Variants in OPTC observed in about 807,000 individuals in gnomAD.
OPTC encodes oculoglycan.
OPTC carries 22 observed loss-of-function variants against 25.4 expected under a neutral mutation model. The ratio of observed to expected loss-of-function variants is 0.87; its 90% confidence interval spans 0.62 to 1.24. OPTC has a LOEUF of 1.24. Ranked by LOEUF, OPTC falls within the 50% of genes most tolerant of loss-of-function variation. OPTC has a pLI of 0.00. For synonymous variants in OPTC, 169 were observed against 179.3 expected (o/e 0.94, Z 0.46); for missense variants, 417 against 425.2 (o/e 0.98, Z 0.17).
At chr1:203,494,677 A>T (rs1469745404) in intron 1 of OPTC, among the ~76,000 whole-genome samples, 2 of 152,186 alleles carry the variant, frequency 1.3e-5, no homozygotes, top group East Asian at 1.9e-4. Flanking sequence ...AAATTAAAAG[A>T]TAAAAAAAAT....
At chr1:203,499,901 TACC>T (rs1661348460) in intron 5 of OPTC, 50 bp downstream of exon 5, 2 of 1,460,008 alleles carry the variant, frequency 1.4e-6, no homozygotes, top group Non-Finnish European at 1.9e-6. Flanking sequence ...CACCCACCTC[TACC>T]ACCACCCACC....
intron 5 of OPTC, among the ~76,000 whole-genome samples, chr1:203,502,483 G>A (rs1661406017): frequency 1.3e-5 from 2 of 152,156 alleles, no homozygotes; most frequent in African/African-American, 2.4e-5. Flanking sequence ...TTGATTGGGA[G>A]GTCTTGTTTA....
At chr1:203,496,332 C>G (rs1661280199) in intron 2 of OPTC, 96 bp downstream of exon 2, 1 of 816,994 alleles carries the variant, frequency 1.2e-6, no homozygotes, top group Admixed American at 1.9e-5. Flanking sequence ...GTGTCTCCAG[C>G]CTCCACCTCT....
At chr1:203,508,408 C>A (rs1306690822) in intron 7 of OPTC, among the ~76,000 whole-genome samples, 1 of 152,182 alleles carries the variant, frequency 6.6e-6, no homozygotes, top group Non-Finnish European at 1.5e-5. Context: ...CTCAGGAGAA[C>A]CTTGGGGCTC....
chr1:203,503,564 G>C lies in OPTC; in HGVS notation c.843G>C (p.Glu281Asp). 5 of 1,613,580 alleles carry C rather than the reference G, an allele frequency of 3.1e-6. No homozygotes were observed. Among genetic ancestry groups the C allele is most frequent in the Non-Finnish European group, 4.2e-6 (5 of 1,180,018 alleles). ...GTTCTTCCCAGAATAACCTGATAGAGACCATGCAGAGAGACGTCTTCTGTG... is the reference window on the plus strand; with the variant it reads ...GTTCTTCCCAGAATAACCTGATAGACACCATGCAGAGAGACGTCTTCTGTG... ...RSVHLQNNLI[E>D]TMQRDVFCDP... Residue 281 changes from glutamate to aspartate, a missense_variant, in exon 7 of 8, where the codon GAG (glutamate) becomes GAC (aspartate). Coordinates refer to ENST00000367222, the MANE Select transcript of OPTC (RefSeq NM_014359.4).
chr1:203,505,912 C>T (rs1400597453), intron 7 of OPTC, among the ~76,000 whole-genome samples: 1 of 151,698 alleles, frequency 6.6e-6, no homozygotes, highest in Non-Finnish European at 1.5e-5. Context: ...TTTGTTACAG[C>T]GGAATCTCTC....
chr1:203,507,270 T>C (rs1049781679), intron 7 of OPTC, among the ~76,000 whole-genome samples: 1 of 152,024 alleles, frequency 6.6e-6, no homozygotes, highest in African/African-American at 2.4e-5. Context: ...TCCTGTCTTG[T>C]AGAATGGTAA....
chr1:203,500,484 C>T (rs1481057903), intron 5 of OPTC, among the ~76,000 whole-genome samples: 1 of 145,426 alleles, frequency 6.9e-6, no homozygotes, highest in Non-Finnish European at 1.5e-5. Context: ...ACCTGCACTA[C>T]CCACCTGTAC....
At position 203,496,044 on chromosome 1, in the gene OPTC, G is replaced by C. The variant is rs377420059; in HGVS notation, c.39G>C (p.Val13=). 1.2e-6 allele frequency: 2 copies of C among 1,613,882 alleles called. No individual in the cohort carries two copies. Among genetic ancestry groups the C allele is most frequent in the Non-Finnish European group, 1.7e-6 (2 of 1,179,922 alleles). Residue 13 remains valine (V), a synonymous_variant, in exon 2 of 8, where the codon GTG becomes GTC. Transcript: ENST00000367222. The part of the protein sequence containing the change: ...LLAFLSLLAL[V]LQETGTASLP... ...CTTTCCTGAGTCTGCTGGCCTTGGTGCTGCAGGAGACAGGGACAGCTTCTC... is the reference window on the plus strand; with the variant it reads ...CTTTCCTGAGTCTGCTGGCCTTGGTCCTGCAGGAGACAGGGACAGCTTCTC...
chr1:203,506,903 G>T (rs1242568918), intron 7 of OPTC, among the ~76,000 whole-genome samples: 2 of 152,258 alleles, frequency 1.3e-5, no homozygotes, highest in Non-Finnish European at 2.9e-5. Context: ...CAGCTCCAGA[G>T]AGTTTCTTTC....
chr1:203,499,119 C>A (rs1661327007), intron 4 of OPTC, among the ~76,000 whole-genome samples: 1 of 152,214 alleles, frequency 6.6e-6, no homozygotes, highest in African/African-American at 2.4e-5. Context: ...GATGTCCCAG[C>A]AGTGACAGCT....
At chr1:203,506,123 C>G (rs529627526) in intron 7 of OPTC, among the ~76,000 whole-genome samples, 1 of 151,608 alleles carries the variant, frequency 6.6e-6, no homozygotes, top group South Asian at 2.1e-4. Flanking sequence ...GCAAGAGATC[C>G]TGGATTGAGG....
intron 1 of OPTC, 95 bp from the exon 2 acceptor site, chr1:203,495,870 G>A: frequency 1.4e-6 from 1 of 697,014 alleles, no homozygotes; most frequent in South Asian, 1.5e-5. Context: ...TGCAAGTGTG[G>A]GGGTGGGAAG....
chr1:203,495,635 T>A (rs1313420529), intron 1 of OPTC, among the ~76,000 whole-genome samples: 1 of 152,248 alleles, frequency 6.6e-6, no homozygotes, highest in Non-Finnish European at 1.5e-5. Context: ...AGGACATCTG[T>A]GTGCATGCAC....
At chr1:203,501,635 G>T (rs1661393091) in intron 5 of OPTC, among the ~76,000 whole-genome samples, 1 of 152,090 alleles carries the variant, frequency 6.6e-6, no homozygotes, top group South Asian at 2.1e-4. Flanking sequence ...TTGCATTTTT[G>T]AAATAGGATG....
chr1:203,496,303 C>T (rs1661279852), intron 2 of OPTC, 67 bp downstream of exon 2: 1 of 1,184,260 alleles, frequency 8.4e-7, no homozygotes, highest in Non-Finnish European at 1.3e-6. Flanking sequence ...AGGGCCCTCC[C>T]ATCTGCCCCA....
rs868268305 is a variant in OPTC, at chr1:203,495,909, A to G, written c.-41-56A>G. On this transcript the variant is annotated intron_variant, in intron 1 of 7. Coordinates refer to ENST00000367222, the MANE Select transcript of OPTC (RefSeq NM_014359.4). ...AGTAAATCTGCGAGCCATTCCCACA[A>G]CACTCTGGAGAGCCTGTCCCTCAGA... 9 of 820,086 alleles carry G rather than the reference A, an allele frequency of 1.1e-5. No individual in the cohort carries two copies. The Middle Eastern group carries it at 2.1e-3, about 193-fold the overall frequency. The allele number at this position is 820,086 out of a possible 1,614,324, so 50.8% of individuals were successfully genotyped here.
chr1:203,502,866 G>A (rs1240321222), intron 5 of OPTC, 48 bp from the exon 6 acceptor site: 7 of 1,459,234 alleles, frequency 4.8e-6, no homozygotes, highest in Non-Finnish European at 5.8e-6. Context: ...TCACTGCCAG[G>A]GTCCAACAGG....
At chr1:203,501,700 C>T (rs957015583) in intron 5 of OPTC, among the ~76,000 whole-genome samples, 5 of 152,204 alleles carry the variant, frequency 3.3e-5, no homozygotes, top group Non-Finnish European at 1.5e-5. Context: ...CAGTGACTTC[C>T]ACCCTCTCAG....
Sources: gnomAD v4.1 joint callset for allele counts (sites outside exome capture counted in the v4.1 genomes callset) on GRCh38, gnomAD v4.1.1 for gene constraint, MANE v1.5 for transcripts, NCBI Gene and HGNC (gene_info 2026-07-23, HGNC 2026-07-21) for gene names.